LYN: variants seen among roughly 807,000 people sequenced by gnomAD.
LYN encodes the protein LYN proto-oncogene, Src family tyrosine kinase.
A neutral mutation model predicts 65.0 loss-of-function variants in LYN; 12 were observed. The observed-to-expected ratio is 0.18, with a 90% CI of 0.12 to 0.30. The LOEUF is 0.30. Among genes scored for constraint, LYN ranks in the 10% least tolerant of loss-of-function variants. The probability of loss-of-function intolerance (pLI) is 1.00; values close to 1 mark genes in which losing one functional copy is unlikely to be tolerated. For missense variants in LYN, 380 were observed against 623.2 expected (o/e 0.61, Z 4.16); for synonymous variants, 222 against 221.2 (o/e 1.00, Z -0.03).
At chr8:55,940,925 C>T (rs186655508) in intron 1 of LYN, among the ~76,000 whole-genome samples, 22 of 152,260 alleles carry the variant, frequency 1.4e-4, no homozygotes, top group Middle Eastern at 3.4e-3. Flanking sequence ...TTGCGGAGAC[C>T]GTCATTTTGC....
intron 10 of LYN, among the ~76,000 whole-genome samples, chr8:55,996,418 G>A (rs975026823): frequency 1.3e-5 from 2 of 152,180 alleles, no homozygotes; most frequent in Non-Finnish European, 2.9e-5. Flanking sequence ...CCTCCAAGCC[G>A]AGCCACCTGC....
chr8:55,999,837 G>C (rs568410158), intron 12 of LYN, among the ~76,000 whole-genome samples: 17 of 152,090 alleles, frequency 1.1e-4, no homozygotes, highest in African/African-American at 4.1e-4. Context: ...CAGGCATGGT[G>C]ACGCATGCCT....
At chr8:55,894,477 C>A (rs1805036267) in intron 1 of LYN, among the ~76,000 whole-genome samples, 1 of 151,954 alleles carries the variant, frequency 6.6e-6, no homozygotes, top group Non-Finnish European at 1.5e-5. Context: ...TCCAGGGATC[C>A]TCCCACCTTA....
chr8:55,989,839 G>A (rs920140206), intron 10 of LYN, among the ~76,000 whole-genome samples: 3 of 152,142 alleles, frequency 2.0e-5, no homozygotes, highest in Non-Finnish European at 4.4e-5. Flanking sequence ...GAAGTTATAG[G>A]CAAAGACATA....
chr8:55,880,723 C>G (rs1454576824), intron 1 of LYN, among the ~76,000 whole-genome samples: 2 of 152,234 alleles, frequency 1.3e-5, no homozygotes, highest in Admixed American at 1.3e-4. Context: ...GCCTCTCGGC[C>G]TGCCGAGGAG....
At position 55,998,122 on chromosome 8, in the gene LYN, T is replaced by G. The variant is rs183029809; in HGVS notation, c.1051-224T>G. On this transcript the variant is annotated intron_variant, in intron 10 of 12. Coordinates refer to ENST00000519728, the MANE Select transcript of LYN (RefSeq NM_002350.4). Reference sequence around the variant, plus strand: ...AAAATGTTAAGACATGTTCCTTTTTTTTTTTTTAAGATGACCATTGTTGGA... The same window carrying G: ...AAAATGTTAAGACATGTTCCTTTTTGTTTTTTTAAGATGACCATTGTTGGA... 8.4e-4 allele frequency among the ~76,000 whole-genome samples: 128 copies of G among 152,234 alleles called. 2 individuals are homozygous for G. The East Asian group carries it at 0.018, about 22-fold the overall frequency.
intron 12 of LYN, among the ~76,000 whole-genome samples, chr8:56,003,928 C>CTTTTTTTTTTTTTTTTTTTTTTT (rs1213079280): frequency 3.8e-5 from 4 of 104,700 alleles, no homozygotes; most frequent in Non-Finnish European, 5.8e-5. Flanking sequence ...ATATTTTATT[C>CTTTTTTTTTTTTTTTTTTTTTTT]TTTTTTTTTT....
intron 1 of LYN, among the ~76,000 whole-genome samples, chr8:55,889,896 T>C (rs1461654308): frequency 6.6e-6 from 1 of 151,934 alleles, no homozygotes; most frequent in Admixed American, 6.5e-5. Context: ...CAGCAGTTTG[T>C]TGTGAGTGTT....
chr8:56,003,934 T>G (rs1324339664), intron 12 of LYN, among the ~76,000 whole-genome samples: 4,634 of 143,250 alleles, frequency 0.032, 201 homozygotes, highest in African/African-American at 0.1. Context: ...TATTCTTTTT[T>G]TTTTTTTTTT....
Position 55,944,637 on chromosome 8 carries a change from T to A in LYN, c.133-1811T>A, listed in dbSNP as rs138702341. Among the ~76,000 whole-genome samples, 919 of 152,270 alleles carry A rather than the reference T, an allele frequency of 6.0e-3. 43 individuals are homozygous for A. In the East Asian group the frequency reaches 0.11, roughly 18 times the overall value. On this transcript the variant is annotated intron_variant, in intron 2 of 12. Transcript: ENST00000519728. ...CTGGGATTACAGGCATGCACCACCA[T>A]GCCTGGCTAATTTTTGTATTTTTAG...
At chr8:55,981,761 A>G (rs1807931757) in intron 10 of LYN, among the ~76,000 whole-genome samples, 1 of 152,224 alleles carries the variant, frequency 6.6e-6, no homozygotes, top group South Asian at 2.1e-4. Flanking sequence ...ACTTTCCTGT[A>G]CAAAACTTAC....
At chr8:55,943,682 G>A (rs754276890) in intron 2 of LYN, among the ~76,000 whole-genome samples, 82 of 151,724 alleles carry the variant, frequency 5.4e-4, no homozygotes, top group Middle Eastern at 3.5e-3. Context: ...CTTTCTGCCT[G>A]CCCTCCCCTC....
chr8:55,914,038 T>G (rs1257391362), intron 1 of LYN, among the ~76,000 whole-genome samples: 1 of 151,916 alleles, frequency 6.6e-6, no homozygotes, highest in Non-Finnish European at 1.5e-5. Flanking sequence ...CATGGCTGCT[T>G]TTGGAAAGAT....
intron 1 of LYN, among the ~76,000 whole-genome samples, chr8:55,916,115 T>C (rs1805774233): frequency 6.6e-6 from 1 of 152,228 alleles, no homozygotes; most frequent in Non-Finnish European, 1.5e-5. Context: ...TTCCCCTTTA[T>C]GGTAAATTAT....
chr8:55,896,979 A>T (rs1242245299), intron 1 of LYN, among the ~76,000 whole-genome samples: 1 of 152,164 alleles, frequency 6.6e-6, no homozygotes, highest in African/African-American at 2.4e-5. Context: ...ACCTTAGGTG[A>T]TCCGCCTGCC....
At chr8:55,914,050 A>C (rs10504199) in intron 1 of LYN, among the ~76,000 whole-genome samples, 7,445 of 152,074 alleles carry the variant, frequency 0.049, 608 homozygotes, top group African/African-American at 0.17. Flanking sequence ...TGGAAAGATA[A>C]GTGGACTAGC....
chr8:55,941,041 AGT>A (rs1442772826), intron 1 of LYN, among the ~76,000 whole-genome samples: 1 of 152,088 alleles, frequency 6.6e-6, no homozygotes, highest in African/African-American at 2.4e-5. Flanking sequence ...CTCTCCCATA[AGT>A]GTGTTTCCTC....
At chr8:55,912,656 G>A (rs1428038883) in intron 1 of LYN, among the ~76,000 whole-genome samples, 1 of 151,620 alleles carries the variant, frequency 6.6e-6, no homozygotes, top group African/African-American at 2.4e-5. Context: ...GAACCTGGGA[G>A]GCAGAGGTTG....
chr8:55,900,617 A>G (rs1456601353), intron 1 of LYN, among the ~76,000 whole-genome samples: 2 of 151,130 alleles, frequency 1.3e-5, no homozygotes, highest in Non-Finnish European at 2.9e-5. Context: ...GTGGCCTCAA[A>G]TGGTCCTCCA....
Sources: gnomAD v4.1 joint callset for allele counts (sites outside exome capture counted in the v4.1 genomes callset) on GRCh38, gnomAD v4.1.1 for gene constraint, MANE v1.5 for transcripts, NCBI Gene and HGNC (gene_info 2026-07-23, HGNC 2026-07-21) for gene names.